The following CNTNAP2 variants were observed in gnomAD, a reference collection of about 807,000 sequenced individuals.
The protein encoded by CNTNAP2 is contactin associated protein 2, also known as contactin-associated protein-like 2.
CNTNAP2 carries 98 observed loss-of-function variants against 155.2 expected under a neutral mutation model. The observed-to-expected ratio is 0.63, with a 90% CI of 0.54 to 0.75. The LOEUF is 0.75. Among genes scored for constraint, CNTNAP2 ranks in the 30% least tolerant of loss-of-function variants. The pLI is 0.00. For missense variants in CNTNAP2, 1,727 were observed against 1,688.1 expected, an observed-to-expected ratio of 1.02 and a Z score of -0.40; for synonymous variants, 651 against 631.2, an observed-to-expected ratio of 1.03 and a Z score of -0.47.
At chr7:146,308,137 A>C (rs1452041879) in intron 1 of CNTNAP2, among the ~76,000 whole-genome samples, 1 of 152,140 alleles carries the variant, frequency 6.6e-6, no homozygotes, top group Non-Finnish European at 1.5e-5. Context: ...CAAGAAAAAA[A>C]TCAAACAACC....
chr7:148,143,620 A>AG (rs1390441046), intron 16 of CNTNAP2, among the ~76,000 whole-genome samples: 1 of 152,220 alleles, frequency 6.6e-6, no homozygotes, highest in Non-Finnish European at 1.5e-5. Flanking sequence ...TCAAGGCTGC[A>AG]GTCAGCTATG....
chr7:148,295,189 CT>C (rs2116488055), intron 21 of CNTNAP2, among the ~76,000 whole-genome samples: 1 of 152,198 alleles, frequency 6.6e-6, no homozygotes, highest in East Asian at 1.9e-4. Context: ...TGATGATCCA[CT>C]TATAAAAACA....
At chr7:147,617,863 A>AGCTTCCTTTAAGTGGTAGGGTT (rs1206523708) in intron 12 of CNTNAP2, among the ~76,000 whole-genome samples, 10 of 152,310 alleles carry the variant, frequency 6.6e-5, no homozygotes, top group African/African-American at 2.4e-4. Context: ...ATAAGAATAT[A>AGCTTCCTTTAAGTGGTAGGGTT]GCTTCCTTTA....
chr7:147,234,557 T>C (rs1396560091), intron 8 of CNTNAP2, among the ~76,000 whole-genome samples: 2 of 152,192 alleles, frequency 1.3e-5, no homozygotes, highest in East Asian at 1.9e-4. Flanking sequence ...GCCAGGATGG[T>C]CTCGATCTCC....
chr7:147,330,441 C>T (rs1041500503), intron 9 of CNTNAP2, among the ~76,000 whole-genome samples: 1 of 152,166 alleles, frequency 6.6e-6, no homozygotes, highest in African/African-American at 2.4e-5. Flanking sequence ...AATTATTGAA[C>T]CCTAGGAGAG....
At chr7:146,648,585 A>G (rs1350398296) in intron 1 of CNTNAP2, among the ~76,000 whole-genome samples, 1 of 152,148 alleles carries the variant, frequency 6.6e-6, no homozygotes, top group Admixed American at 6.6e-5. Flanking sequence ...AAATAGATTT[A>G]TGTTAAAACT....
intron 3 of CNTNAP2, among the ~76,000 whole-genome samples, chr7:147,031,457 C>A (rs995032826): frequency 6.6e-6 from 1 of 152,134 alleles, no homozygotes; most frequent in Non-Finnish European, 1.5e-5. Flanking sequence ...ATCCCAGTAT[C>A]TATCAATACA....
At chr7:147,007,996 T>C (rs1798555978) in intron 3 of CNTNAP2, among the ~76,000 whole-genome samples, 1 of 152,162 alleles carries the variant, frequency 6.6e-6, no homozygotes, top group Admixed American at 6.6e-5. Context: ...TTGTTAAAAT[T>C]ATTTAATATG....
At chr7:148,217,703 C>G (rs1585194929) in intron 19 of CNTNAP2, among the ~76,000 whole-genome samples, 179 bp downstream of exon 19, 1 of 152,332 alleles carries the variant, frequency 6.6e-6, no homozygotes, top group East Asian at 1.9e-4. Flanking sequence ...AACTTGCCAG[C>G]TGGGTGTGTT....
intron 21 of CNTNAP2, among the ~76,000 whole-genome samples, chr7:148,302,600 G>A (rs1797414177): frequency 6.6e-6 from 1 of 152,034 alleles, no homozygotes; most frequent in Non-Finnish European, 1.5e-5. Flanking sequence ...TGGATCATGA[G>A]GGTGGTTTGC....
intron 1 of CNTNAP2, among the ~76,000 whole-genome samples, chr7:146,492,245 GAGAGAGAGAGAGAC>G (rs1490761237): frequency 1.3e-5 from 2 of 151,802 alleles, no homozygotes; most frequent in African/African-American, 4.8e-5. Flanking sequence ...GAGGGGGAGA[GAGAGAGAGAGAGAC>G]AGAGAGAGAG....
intron 13 of CNTNAP2, among the ~76,000 whole-genome samples, chr7:147,694,424 T>C (rs760583898): frequency 1.4e-4 from 22 of 152,152 alleles, no homozygotes; most frequent in Non-Finnish European, 2.8e-4. Context: ...TTGATATAAA[T>C]TTCTTCTTTA....
intron 19 of CNTNAP2, among the ~76,000 whole-genome samples, chr7:148,223,511 G>A: frequency 6.6e-6 from 1 of 152,158 alleles, no homozygotes. Context: ...TCACTTGGGA[G>A]ATGAACATGA....
At chr7:146,587,627 GC>G (rs1469474438) in intron 1 of CNTNAP2, among the ~76,000 whole-genome samples, 24 of 152,182 alleles carry the variant, frequency 1.6e-4, no homozygotes, top group South Asian at 1.2e-3. Flanking sequence ...ATATATGTCT[GC>G]AAGTTTGTGT....
intron 3 of CNTNAP2, among the ~76,000 whole-genome samples, chr7:146,897,834 G>GT (rs1189702514): frequency 1.3e-5 from 2 of 151,798 alleles, no homozygotes; most frequent in Non-Finnish European, 2.9e-5. Flanking sequence ...AGTTTAATGT[G>GT]TTTTTTTAAA....
chr7:146,830,884 C>T lies in CNTNAP2; in HGVS notation c.209-8827C>T, dbSNP rs185863172. 6.6e-3 allele frequency among the ~76,000 whole-genome samples: 1,012 copies of T among 152,236 alleles called. 4 individuals are homozygous for T. Among genetic ancestry groups the T allele is most frequent in the Admixed American group, 0.012 (176 of 15,282 alleles). On this transcript the variant is annotated intron_variant, in intron 2 of 23. Transcript: ENST00000361727. ...AAGCCTGTGGAACATCATTAGAGAG[C>T]GCTCTTCAAGCTGACATCACCATTA...
rs527580465 is a variant in CNTNAP2, at chr7:146,612,145, A to G, written c.98-162126A>G. Among the ~76,000 whole-genome samples, 3 of 152,324 alleles carry G rather than the reference A, an allele frequency of 2.0e-5. No homozygotes were observed. The South Asian group carries it at 6.2e-4, about 32-fold the overall frequency. On this transcript the variant is annotated intron_variant, in intron 1 of 23. Transcript: ENST00000361727. ...GATTAAATTAGATTTAGAATCTAAAAAGTAAAAAGAGCCTAGAATAATCCC... is the reference window on the plus strand; with the variant it reads ...GATTAAATTAGATTTAGAATCTAAAGAGTAAAAAGAGCCTAGAATAATCCC...
intron 1 of CNTNAP2, among the ~76,000 whole-genome samples, chr7:146,322,225 C>T (rs1801016591): frequency 6.6e-6 from 1 of 152,098 alleles, no homozygotes; most frequent in African/African-American, 2.4e-5. Context: ...GAGCATGTCA[C>T]TGATAGCTGC....
intron 21 of CNTNAP2, among the ~76,000 whole-genome samples, chr7:148,278,674 C>A (rs1038816618): frequency 1.3e-5 from 2 of 151,166 alleles, no homozygotes; most frequent in Non-Finnish European, 2.9e-5. Flanking sequence ...AGGCACAGAA[C>A]AATGGATAAA....
Sources: allele counts gnomAD v4.1 joint callset (sites outside exome capture counted in the v4.1 genomes callset), GRCh38; gene constraint gnomAD v4.1.1; transcripts MANE v1.5; gene names NCBI Gene and HGNC (gene_info 2026-07-23, HGNC 2026-07-21).